The following EPHA3 variants were observed in gnomAD, a reference collection of about 807,000 sequenced individuals.
The protein encoded by EPHA3 is EPH receptor A3.
In EPHA3, 42 loss-of-function variants were observed where a neutral mutation model predicts 107.1. The observed-to-expected ratio is 0.39, with a 90% confidence interval of 0.31 to 0.51. The LOEUF is 0.51. Ranked by LOEUF, EPHA3 falls within the 20% of genes least tolerant of loss-of-function variation. The pLI is 0.78. For missense variants in EPHA3, 1,183 were observed against 1,211.2 expected, an observed-to-expected ratio of 0.98 and a Z score of 0.35; for synonymous variants, 461 against 424.8, an observed-to-expected ratio of 1.09 and a Z score of -1.05.
At chr3:89,421,203 C>A (rs1008833395) in intron 11 of EPHA3, among the ~76,000 whole-genome samples, 13 of 151,154 alleles carry the variant, frequency 8.6e-5, no homozygotes, top group African/African-American at 2.9e-4. Flanking sequence ...TCCTTAATAT[C>A]TAAAACAAAA....
rs552910372 is a variant in EPHA3, at chr3:89,420,021, G to T, written c.2074+631G>T. Among the ~76,000 whole-genome samples, 5 of 151,454 alleles carry T rather than the reference G, an allele frequency of 3.3e-5. No homozygotes were observed. The East Asian group carries it at 9.8e-4, about 30-fold the overall frequency. ...GAGATGTGAACTTATTTCCATGATG[G>T]TTTCTCCAGCAGGTCTCAAAAGGGA... On this transcript the variant is annotated intron_variant, in intron 11 of 16. Transcript: ENST00000336596.
chr3:89,349,934 G>A (rs1351662792), intron 5 of EPHA3, among the ~76,000 whole-genome samples: 1 of 148,930 alleles, frequency 6.7e-6, no homozygotes, highest in Non-Finnish European at 1.5e-5. Context: ...TGAGAATGTT[G>A]AATATTGGCC....
At chr3:89,177,110 G>A (rs1043905849) in intron 2 of EPHA3, among the ~76,000 whole-genome samples, 1 of 152,044 alleles carries the variant, frequency 6.6e-6, no homozygotes, top group Non-Finnish European at 1.5e-5. Flanking sequence ...GTATGTGTGT[G>A]TGAGTTTTAT....
chr3:89,293,719 C>T (rs1181368609), intron 3 of EPHA3, among the ~76,000 whole-genome samples: 6 of 152,112 alleles, frequency 3.9e-5, no homozygotes. Context: ...ATGTGCCTTG[C>T]TTTTCCTTCG....
intron 13 of EPHA3, among the ~76,000 whole-genome samples, chr3:89,433,024 G>T (rs1456924265): frequency 6.6e-6 from 1 of 152,072 alleles, no homozygotes; most frequent in East Asian, 1.9e-4. Context: ...CATATTATGA[G>T]TGATACTTTG....
At chr3:89,244,798 T>A (rs1289531401) in intron 3 of EPHA3, among the ~76,000 whole-genome samples, 3 of 152,210 alleles carry the variant, frequency 2.0e-5, no homozygotes, top group African/African-American at 7.2e-5. Context: ...ATGATCCAAT[T>A]GCAGGTCTGG....
chr3:89,119,295 C>T (rs1430267396), intron 1 of EPHA3, among the ~76,000 whole-genome samples: 2 of 152,172 alleles, frequency 1.3e-5, no homozygotes, highest in East Asian at 1.9e-4. Context: ...TCTGTAGGTG[C>T]TATTCCTATT....
At chr3:89,350,496 G>C (rs1409721412) in intron 5 of EPHA3, among the ~76,000 whole-genome samples, 1 of 150,616 alleles carries the variant, frequency 6.6e-6, no homozygotes, top group African/African-American at 2.4e-5. Context: ...CTCTGTATTG[G>C]TTATTCTAGT....
At chr3:89,113,738 T>TG (rs140518086) in intron 1 of EPHA3, among the ~76,000 whole-genome samples, 31,178 of 141,424 alleles carry the variant, frequency 0.22, 3,364 homozygotes, top group Middle Eastern at 0.33. Context: ...GGGGTTGAGG[T>TG]GGGGGGGGGC....
At chr3:89,252,783 A>G (rs1391815490) in intron 3 of EPHA3, among the ~76,000 whole-genome samples, 1 of 151,648 alleles carries the variant, frequency 6.6e-6, no homozygotes. Context: ...AGATGTCAAC[A>G]TCAGATACAA....
chr3:89,132,893 A>G (rs1327165320), intron 2 of EPHA3, among the ~76,000 whole-genome samples: 1 of 152,184 alleles, frequency 6.6e-6, no homozygotes, highest in Non-Finnish European at 1.5e-5. Context: ...CTGTCTCTCA[A>G]AAAGAATTTT....
chr3:89,466,544 C>T (rs1473687583), intron 15 of EPHA3, among the ~76,000 whole-genome samples: 4 of 133,210 alleles, frequency 3.0e-5, no homozygotes, highest in East Asian at 2.0e-4. Flanking sequence ...TGCGCCGTTT[C>T]TTAAGCCGGT....
At chr3:89,376,641 C>T (rs1472065527) in intron 5 of EPHA3, among the ~76,000 whole-genome samples, 1 of 151,864 alleles carries the variant, frequency 6.6e-6, no homozygotes, top group Non-Finnish European at 1.5e-5. Context: ...ACAAAGTCTC[C>T]TCTATACTGC....
At chr3:89,130,674 A>G (rs532771537) in intron 2 of EPHA3, among the ~76,000 whole-genome samples, 43 of 139,142 alleles carry the variant, frequency 3.1e-4, no homozygotes, top group Admixed American at 7.9e-4. Flanking sequence ...TCGCTCTGTC[A>G]CCCAGGCTGG....
chr3:89,199,270 A>G (rs1385278693), intron 2 of EPHA3, among the ~76,000 whole-genome samples: 1 of 152,208 alleles, frequency 6.6e-6, no homozygotes, highest in African/African-American at 2.4e-5. Flanking sequence ...AGATAATGGT[A>G]TACTTCATCA....
intron 13 of EPHA3, among the ~76,000 whole-genome samples, chr3:89,436,516 CT>C (rs779255832): frequency 2.6e-5 from 4 of 152,134 alleles, no homozygotes; most frequent in African/African-American, 4.8e-5. Context: ...CGTAGTTGCA[CT>C]GAAGAGTCAT....
chr3:89,406,457 C>T (rs970630096), intron 7 of EPHA3, among the ~76,000 whole-genome samples: 1 of 152,108 alleles, frequency 6.6e-6, no homozygotes, highest in Non-Finnish European at 1.5e-5. Flanking sequence ...TTGTGCACAT[C>T]ATTCTCTATT....
At chr3:89,204,202 A>T (rs1436437702) in intron 2 of EPHA3, among the ~76,000 whole-genome samples, 2 of 152,128 alleles carry the variant, frequency 1.3e-5, no homozygotes, top group Non-Finnish European at 2.9e-5. Flanking sequence ...ATACTGTGCC[A>T]AACTGTGGAT....
chr3:89,290,907 G>A (rs1706193860), intron 3 of EPHA3, among the ~76,000 whole-genome samples: 1 of 152,126 alleles, frequency 6.6e-6, no homozygotes, highest in African/African-American at 2.4e-5. Flanking sequence ...TGTTTGTTAT[G>A]TATTTTTAAT....
Sources: gnomAD v4.1 joint callset for allele counts (sites outside exome capture counted in the v4.1 genomes callset) on GRCh38, gnomAD v4.1.1 for gene constraint, MANE v1.5 for transcripts, NCBI Gene and HGNC (gene_info 2026-07-23, HGNC 2026-07-21) for gene names.